Variants in SYTL3 observed in about 807,000 individuals in gnomAD.
SYTL3 encodes synaptotagmin-like protein 3.
SYTL3 carries 88 observed loss-of-function variants against 82.1 expected under a neutral mutation model. The ratio of observed to expected loss-of-function variants is 1.07; its 90% CI spans 0.90 to 1.28. SYTL3 has a LOEUF of 1.28. Among genes scored for constraint, SYTL3 ranks in the 50% most tolerant of loss-of-function variants. The pLI is 0.00. For missense variants in SYTL3, 831 were observed against 757.6 expected (o/e 1.10, Z -1.14); for synonymous variants, 311 against 289.4 (o/e 1.07, Z -0.76).
At chr6:158,707,371 C>A in intron 7 of SYTL3, 90 bp downstream of exon 7, 2 of 1,031,876 alleles carry the variant, frequency 1.9e-6, no homozygotes, top group Non-Finnish European at 2.9e-6. Context: ...TCTTGACTTT[C>A]ACATGTCACT....
chr6:158,755,951 T>A (rs753442873), intron 13 of SYTL3, among the ~76,000 whole-genome samples: 4 of 152,028 alleles, frequency 2.6e-5, no homozygotes, highest in African/African-American at 4.8e-5. Context: ...TCCAAGCTGC[T>A]TTTTTTTCAC....
intron 1 of SYTL3, among the ~76,000 whole-genome samples, chr6:158,651,399 T>A (rs958672979): frequency 1.3e-5 from 2 of 152,054 alleles, no homozygotes; most frequent in African/African-American, 4.8e-5. Flanking sequence ...GAGATCATCC[T>A]GGCCAACATG....
At chr6:158,729,610 A>G (rs1583402239) in intron 11 of SYTL3, among the ~76,000 whole-genome samples, 1 of 129,966 alleles carries the variant, frequency 7.7e-6, no homozygotes, top group South Asian at 2.3e-4. Context: ...TTTGTCACGT[A>G]GGCTGGAGTT....
intron 6 of SYTL3, among the ~76,000 whole-genome samples, chr6:158,702,445 T>C (rs9457441): frequency 6.6e-6 from 1 of 150,850 alleles, no homozygotes; most frequent in African/African-American, 2.4e-5. Context: ...AGGAGGCTGA[T>C]GTGGGAGGAT....
At chr6:158,656,455 A>G (rs1030240036) in intron 2 of SYTL3, among the ~76,000 whole-genome samples, 3 of 152,090 alleles carry the variant, frequency 2.0e-5, no homozygotes, top group Non-Finnish European at 4.4e-5. Flanking sequence ...GCCGGGTGCG[A>G]TGGCTCACGC....
intron 10 of SYTL3, among the ~76,000 whole-genome samples, chr6:158,724,511 C>G (rs970527898): frequency 6.6e-6 from 1 of 152,146 alleles, no homozygotes; most frequent in African/African-American, 2.4e-5. Context: ...CCCACCTTGC[C>G]CATTGTGTTC....
At chr6:158,734,542 C>G (rs919862614) in intron 11 of SYTL3, among the ~76,000 whole-genome samples, 12 of 152,156 alleles carry the variant, frequency 7.9e-5, no homozygotes, top group Admixed American at 4.6e-4. Flanking sequence ...CACATCCCAC[C>G]TCCAGGCATT....
At chr6:158,671,131 T>G (rs1370450950) in intron 5 of SYTL3, among the ~76,000 whole-genome samples, 1 of 152,042 alleles carries the variant, frequency 6.6e-6, no homozygotes, top group East Asian at 1.9e-4. Flanking sequence ...AAAAAAAAAG[T>G]TTCTTTTGTG....
intron 1 of SYTL3, among the ~76,000 whole-genome samples, chr6:158,651,388 C>T (rs942141089): frequency 6.6e-6 from 1 of 151,938 alleles, no homozygotes; most frequent in African/African-American, 2.4e-5. Context: ...GTCAAGAGAT[C>T]GAGATCATCC....
intron 11 of SYTL3, among the ~76,000 whole-genome samples, chr6:158,729,566 C>CTTTTTTTTTT (rs34172320): frequency 9.0e-5 from 12 of 132,908 alleles, no homozygotes; most frequent in East Asian, 2.1e-4. Context: ...CTTTCTTTTT[C>CTTTTTTTTTT]TTTTTTTTTT....
At chr6:158,718,742 C>T (rs936993723) in intron 10 of SYTL3, among the ~76,000 whole-genome samples, 1 of 152,248 alleles carries the variant, frequency 6.6e-6, no homozygotes, top group Non-Finnish European at 1.5e-5. Context: ...CAGGACTAAC[C>T]CAGCCTGGAG....
chr6:158,723,518 T>C (rs527291872), intron 10 of SYTL3, among the ~76,000 whole-genome samples: 85 of 152,166 alleles, frequency 5.6e-4, no homozygotes, highest in African/African-American at 1.9e-3. Flanking sequence ...CCTTTTTTTT[T>C]CCTCGAAATG....
intron 15 of SYTL3, among the ~76,000 whole-genome samples, chr6:158,761,373 G>A (rs1041048385): frequency 7.1e-6 from 1 of 140,604 alleles, no homozygotes; most frequent in African/African-American, 2.7e-5. Flanking sequence ...CCCGATCTTG[G>A]CTCACTGCAA....
At chr6:158,734,173 A>T in intron 11 of SYTL3, among the ~76,000 whole-genome samples, 1 of 151,748 alleles carries the variant, frequency 6.6e-6, no homozygotes, top group East Asian at 1.9e-4. Flanking sequence ...CTTTTTGTCT[A>T]AATGCTATAG....
chr6:158,740,926 A>G (rs1786848455), intron 11 of SYTL3, among the ~76,000 whole-genome samples: 1 of 152,184 alleles, frequency 6.6e-6, no homozygotes, highest in Non-Finnish European at 1.5e-5. Context: ...GAACTCTTGG[A>G]AAGCATTTTC....
In SYTL3 at chr6:158,731,209, G is replaced by A. The variant is rs566057051; in HGVS notation, c.855+5572G>A. 1.5e-4 allele frequency among the ~76,000 whole-genome samples: 22 copies of A among 150,062 alleles called. No individual in the cohort carries two copies. The South Asian group carries it at 4.1e-3, about 28-fold the overall frequency. ...TGAGGCAGGAGAATAGCTTGAACCC[G>A]GGAGGCGGAGGTTGCAGTGAGCCGA... On this transcript the variant is annotated intron_variant, in intron 11 of 17. Coordinates refer to ENST00000611299, the MANE Select transcript of SYTL3 (RefSeq NM_001242394.2).
rs141281076 is a variant in SYTL3, at chr6:158,679,028, A to G, written c.330-3897A>G. ...AACATGGACAGAGACTACAGGATCT[A>G]TCACCTCTATCATAGACTCTAAGGG... On this transcript the variant is annotated intron_variant, in intron 5 of 17. Transcript: ENST00000611299. 3.3e-5 allele frequency among the ~76,000 whole-genome samples: 5 copies of G among 152,300 alleles called. No individual in the cohort carries two copies. In the East Asian group the frequency reaches 7.7e-4, roughly 23 times the overall value.
chr6:158,669,890 C>T (rs1180575728), intron 5 of SYTL3, among the ~76,000 whole-genome samples: 1 of 152,130 alleles, frequency 6.6e-6, no homozygotes, highest in Non-Finnish European at 1.5e-5. Context: ...TCACATAAGC[C>T]CAGGAGTTTG....
At chr6:158,726,020 TC>T in intron 11 of SYTL3, 1 of 633,862 alleles carries the variant, frequency 1.6e-6, no homozygotes. Flanking sequence ...AGTGTCGCAG[TC>T]CACGTGTGTG....
Sources: gnomAD v4.1 joint callset for allele counts (sites outside exome capture counted in the v4.1 genomes callset) on GRCh38, gnomAD v4.1.1 for gene constraint, MANE v1.5 for transcripts, NCBI Gene and HGNC (gene_info 2026-07-23, HGNC 2026-07-21) for gene names.